Variants in EXOC6B observed in about 807,000 individuals in gnomAD.
The protein encoded by EXOC6B is SEC15 homolog B.
EXOC6B carries 54 observed loss-of-function variants against 113.5 expected under a neutral mutation model. The ratio of observed to expected loss-of-function variants is 0.48; its 90% CI spans 0.38 to 0.60. The LOEUF (loss-of-function observed/expected upper bound fraction) is 0.60, where lower values mean the gene tolerates loss of function less well. EXOC6B is among the 20% of genes least tolerant of loss of function. The pLI is 0.00. For missense variants in EXOC6B, 797 were observed against 977.5 expected (o/e 0.82, Z 2.46); for synonymous variants, 357 against 339.0 (o/e 1.05, Z -0.58).
At chr2:72,793,659 TGAAAA>T (rs1271035407) in intron 1 of EXOC6B, among the ~76,000 whole-genome samples, 9 of 152,154 alleles carry the variant, frequency 5.9e-5, no homozygotes, top group Non-Finnish European at 2.9e-5. Context: ...TAGAAAATGA[TGAAAA>T]GAACACTTCT....
intron 18 of EXOC6B, among the ~76,000 whole-genome samples, chr2:72,383,047 A>G (rs1432218820): frequency 6.6e-6 from 1 of 152,234 alleles, no homozygotes; most frequent in African/African-American, 2.4e-5. Context: ...ACTTTGGAAG[A>G]TAACTTAGTA....
At chr2:72,367,386 T>C (rs746377079) in intron 19 of EXOC6B, among the ~76,000 whole-genome samples, 2 of 150,704 alleles carry the variant, frequency 1.3e-5, no homozygotes, top group Non-Finnish European at 3.0e-5. Context: ...AAAAAGGAAA[T>C]ATAAAATGAA....
At chr2:72,230,351 G>A (rs542267874) in intron 20 of EXOC6B, among the ~76,000 whole-genome samples, 1 of 152,300 alleles carries the variant, frequency 6.6e-6, no homozygotes, top group South Asian at 2.1e-4. Flanking sequence ...GGAAGAACTA[G>A]TAGAAAGACA....
chr2:72,777,737 C>A (rs1376503538), intron 1 of EXOC6B, among the ~76,000 whole-genome samples: 1 of 151,784 alleles, frequency 6.6e-6, no homozygotes, highest in African/African-American at 2.4e-5. Flanking sequence ...TAAAAGACTG[C>A]AAAAAACAAT....
intron 6 of EXOC6B, among the ~76,000 whole-genome samples, chr2:72,583,434 A>C (rs1705348628): frequency 6.6e-6 from 1 of 152,268 alleles, no homozygotes; most frequent in African/African-American, 2.4e-5. Flanking sequence ...CTCTGAAAGA[A>C]AAATCTTGAT....
At chr2:72,528,446 T>G (rs1208113784) in intron 8 of EXOC6B, among the ~76,000 whole-genome samples, 1 of 152,134 alleles carries the variant, frequency 6.6e-6, no homozygotes, top group East Asian at 1.9e-4. Context: ...TATAGCTACA[T>G]AATAAGTCTT....
chr2:72,485,087 G>A lies in EXOC6B; in HGVS notation c.1666-4337C>T, dbSNP rs140649405. Among the ~76,000 whole-genome samples, 134 of 152,188 alleles carry A rather than the reference G, an allele frequency of 8.8e-4. 1 individual carries two copies. The highest frequency in any genetic ancestry group is 2.4e-3 in the African/African-American group (101 of 41,522). ...TGAACTAATTTACATTCCCAGCAACGGTGTAAAAGCATTCCTATTTCTTGT... is the reference window on the plus strand; with the variant it reads ...TGAACTAATTTACATTCCCAGCAACAGTGTAAAAGCATTCCTATTTCTTGT... On this transcript the variant is annotated intron_variant, in intron 16 of 21. Coordinates refer to ENST00000272427, the MANE Select transcript of EXOC6B (RefSeq NM_015189.3).
chr2:72,274,397 T>C (rs1352692163), intron 20 of EXOC6B, among the ~76,000 whole-genome samples: 2 of 152,182 alleles, frequency 1.3e-5, no homozygotes, highest in Non-Finnish European at 2.9e-5. Context: ...TAAAATACAC[T>C]GGACAAATAC....
chr2:72,283,168 C>T (rs1002604393), intron 20 of EXOC6B, among the ~76,000 whole-genome samples: 3 of 152,076 alleles, frequency 2.0e-5, no homozygotes, highest in African/African-American at 7.2e-5. Flanking sequence ...AAAGGTTGAA[C>T]AATCTTCAAA....
At chr2:72,662,388 A>AAAGAT (rs1234538474) in intron 6 of EXOC6B, among the ~76,000 whole-genome samples, 8 of 152,206 alleles carry the variant, frequency 5.3e-5, no homozygotes, top group Non-Finnish European at 5.9e-5. Context: ...CTGAGTGGAA[A>AAAGAT]AAGATATCTG....
chr2:72,819,550 A>G lies in EXOC6B; in HGVS notation c.113+6248T>C, dbSNP rs567796405. Among the ~76,000 whole-genome samples, 7 of 152,214 alleles carry G rather than the reference A, an allele frequency of 4.6e-5. 1 individual carries two copies. The East Asian group carries it at 1.4e-3, about 29-fold the overall frequency. ...TAACCCCTCCCAGGATTGATTATTG[A>G]TAAGTATTATATCCCTTAGATATGT... On this transcript the variant is annotated intron_variant, in intron 1 of 21. Coordinates refer to ENST00000272427, the MANE Select transcript of EXOC6B (RefSeq NM_015189.3).
chr2:72,301,693 T>C (rs2104756471), intron 20 of EXOC6B, among the ~76,000 whole-genome samples: 1 of 152,310 alleles, frequency 6.6e-6, no homozygotes, highest in Admixed American at 6.5e-5. Context: ...AGGGGTAACA[T>C]CCCCTTTGTT....
intron 6 of EXOC6B, among the ~76,000 whole-genome samples, chr2:72,606,863 G>A (rs369960461): frequency 6.6e-5 from 10 of 151,884 alleles, no homozygotes; most frequent in East Asian, 3.9e-4. Context: ...TACCCACCTC[G>A]GCCTCCCAAA....
chr2:72,540,480 A>G (rs1702539175), intron 8 of EXOC6B, among the ~76,000 whole-genome samples: 1 of 152,236 alleles, frequency 6.6e-6, no homozygotes, highest in Non-Finnish European at 1.5e-5. Flanking sequence ...ATTTGAAATT[A>G]TGTTATATGT....
chr2:72,236,515 C>G (rs1018522895), intron 20 of EXOC6B, among the ~76,000 whole-genome samples: 1 of 152,122 alleles, frequency 6.6e-6, no homozygotes, highest in African/African-American at 2.4e-5. Context: ...AGCAAGACAG[C>G]TACCAATAAA....
At chr2:72,489,531 G>A (rs1699623707) in intron 16 of EXOC6B, among the ~76,000 whole-genome samples, 1 of 152,036 alleles carries the variant, frequency 6.6e-6, no homozygotes, top group African/African-American at 2.4e-5. Flanking sequence ...TATATACCAG[G>A]CACAGTAAGT....
chr2:72,587,833 C>CA (rs1193640492), intron 6 of EXOC6B, among the ~76,000 whole-genome samples: 390 of 144,252 alleles, frequency 2.7e-3, no homozygotes, highest in African/African-American at 6.5e-3. Flanking sequence ...ACAACAACAA[C>CA]AAAAAAAAAA....
intron 6 of EXOC6B, among the ~76,000 whole-genome samples, chr2:72,711,738 A>G (rs1226919861): frequency 6.6e-6 from 1 of 152,196 alleles, no homozygotes; most frequent in East Asian, 1.9e-4. Context: ...GAACACAAGC[A>G]GTCAATACCC....
chr2:72,298,098 T>C (rs544830285), intron 20 of EXOC6B, among the ~76,000 whole-genome samples: 23 of 152,280 alleles, frequency 1.5e-4, no homozygotes, highest in African/African-American at 5.5e-4. Flanking sequence ...TGTTAAAGTC[T>C]CCCACTATTA....
Sources: allele counts gnomAD v4.1 joint callset (sites outside exome capture counted in the v4.1 genomes callset), GRCh38; gene constraint gnomAD v4.1.1; transcripts MANE v1.5; gene names NCBI Gene and HGNC (gene_info 2026-07-23, HGNC 2026-07-21).